Variants in ZNF765 observed in about 807,000 individuals in gnomAD.
ZNF765 encodes the protein zinc finger protein 765.
A neutral mutation model predicts 44.7 loss-of-function variants in ZNF765; 37 were observed. That is an observed-to-expected ratio of 0.83 (90% confidence interval 0.64 to 1.09). The LOEUF (loss-of-function observed/expected upper bound fraction) is 1.09. ZNF765 is among the 50% of genes least tolerant of loss of function. ZNF765 has a pLI of 0.00. For missense variants in ZNF765, 594 were observed against 626.1 expected, an observed-to-expected ratio of 0.95 and a Z score of 0.55; for synonymous variants, 201 against 213.7, an observed-to-expected ratio of 0.94 and a Z score of 0.52.
intron 3 of ZNF765, among the ~76,000 whole-genome samples, chr19:53,404,864 C>T (rs2085760127): frequency 6.6e-6 from 1 of 152,162 alleles, no homozygotes; most frequent in African/African-American, 2.4e-5. Flanking sequence ...ATTTGTCAGC[C>T]TTCAGTGATG....
Position 53,408,501 on chromosome 19 carries a change from A to G in ZNF765, c.946A>G (p.Ile316Val), listed in dbSNP as rs1326659352. ...KAFHFKSKLQ[I>V]HRRIHTGEKP... ...TTTCCATTTCAAATCAAAGCTTCAA[A>G]TACATAGGAGAATTCATACTGGAGA... The change falls in exon 4 of 4, where the codon ATA becomes GTA. Residue 316 changes from isoleucine to valine, a missense_variant. Physicochemically the swap from Ile to Val is conservative, Grantham distance 29. Coordinates refer to ENST00000396408, the MANE Select transcript of ZNF765 (RefSeq NM_001040185.3). 1.2e-6 allele frequency: 2 copies of G among 1,611,854 alleles called. No homozygotes were observed. Among genetic ancestry groups the G allele is most frequent in the Admixed American group, 3.3e-5 (2 of 59,914 alleles).
intron 3 of ZNF765, among the ~76,000 whole-genome samples, chr19:53,418,575 G>C (rs2085888415): frequency 6.6e-6 from 1 of 152,026 alleles, no homozygotes; most frequent in African/African-American, 2.4e-5. Context: ...TTGACAGGTA[G>C]AGTATGGAAT....
At chr19:53,405,743 A>G (rs1393346048) in intron 3 of ZNF765, among the ~76,000 whole-genome samples, 1 of 151,306 alleles carries the variant, frequency 6.6e-6, no homozygotes, top group South Asian at 2.1e-4. Flanking sequence ...CTTTTGGCCA[A>G]TATGAACATT....
At chr19:53,417,322 C>T (rs2085881038) in intron 3 of ZNF765, among the ~76,000 whole-genome samples, 2 of 152,006 alleles carry the variant, frequency 1.3e-5, no homozygotes, top group South Asian at 2.1e-4. Flanking sequence ...TGTTGTTCCC[C>T]TCTATGTATC....
intron 3 of ZNF765, among the ~76,000 whole-genome samples, chr19:53,402,973 A>T (rs1479998406): frequency 2.0e-5 from 3 of 151,994 alleles, no homozygotes; most frequent in African/African-American, 7.3e-5. Context: ...TCAGGAGATC[A>T]AGACCACCCT....
intron 3 of ZNF765, 105 bp from the exon 4 acceptor site, chr19:53,407,593 T>G: frequency 3.5e-6 from 3 of 858,594 alleles, no homozygotes; most frequent in Non-Finnish European, 3.3e-6. Context: ...GGGTCATGTT[T>G]GCAAAGTTTA....
At chr19:53,412,202 TTCTA>T (rs2085839581), downstream of ZNF765, among the ~76,000 whole-genome samples, 1 of 152,232 alleles carries the variant, frequency 6.6e-6, no homozygotes, top group African/African-American at 2.4e-5. Context: ...TAAATTTCCT[TTCTA>T]TCTATTTTGT....
rs765117843 is a variant in ZNF765, at chr19:53,410,452, G to C, written c.*1325G>C. The C allele has an allele frequency of 2.8e-6, 1 of 355,672 alleles. No homozygotes were observed. The highest frequency in any genetic ancestry group is 5.7e-6 in the Non-Finnish European group (1 of 175,954). 22.0% of individuals were successfully genotyped at this position (355,672 alleles called of 1,614,324 possible). A position where few individuals can be genotyped will look rare whatever the true frequency, so the allele number is the denominator to read the frequency against. The stretch of plus-strand genomic sequence containing the variant: ...TAAGAGTTTGTGACAAGGCTTTCAG[G>C]CATAATTCGCACCTGGCACAACATC... On this transcript the variant is annotated 3_prime_UTR_variant, in exon 4 of 4. Transcript: ENST00000396408.
At chr19:53,422,829 C>T (rs1322992271) in intron 3 of ZNF765, among the ~76,000 whole-genome samples, 1 of 152,158 alleles carries the variant, frequency 6.6e-6, no homozygotes, top group African/African-American at 2.4e-5. Context: ...TGGGAATGAT[C>T]TTCTTATCAC....
rs1215576535 is a variant in ZNF765, at chr19:53,408,970, G to T, written c.1415G>T (p.Gly472Val). 1.2e-6 allele frequency: 2 copies of T among 1,603,938 alleles called. No individual in the cohort carries two copies. The highest frequency in any genetic ancestry group is 1.7e-6 in the Non-Finnish European group (2 of 1,173,050). Reference sequence around the variant, plus strand: ...AATCCTTACAAGTGTAATGAGTGTGGCAAGACCTTCAGCCGGACGTCATCC... The same window carrying T: ...AATCCTTACAAGTGTAATGAGTGTGTCAAGACCTTCAGCCGGACGTCATCC... ...EENPYKCNEC[G>V]KTFSRTSSLT... Residue 472 changes from glycine to valine, a missense_variant, in exon 4 of 4, where the codon GGC becomes GTC. Around this residue, in one of 2 missense-constraint regions of ZNF765, gnomAD observed 567 missense variants for 572.6 expected, o/e 0.99. Coordinates refer to ENST00000396408, the MANE Select transcript of ZNF765 (RefSeq NM_001040185.3).
At chr19:53,396,543 G>A (rs2085672351) in intron 1 of ZNF765, among the ~76,000 whole-genome samples, 1 of 152,158 alleles carries the variant, frequency 6.6e-6, no homozygotes, top group East Asian at 1.9e-4. Context: ...TGGTGGTCTT[G>A]TAGCTGCATT....
Position 53,400,461 on chromosome 19 carries a change from G to C in ZNF765, c.16-1604G>C, listed in dbSNP as rs560467995. On this transcript the variant is annotated intron_variant, in intron 2 of 3. Transcript: ENST00000396408. The stretch of plus-strand genomic sequence containing the variant: ...CTTCCTCTAGGATGAGGCATTTCCT[G>C]TTTTCTTAGATCTGACAAGATTCCC... Among the ~76,000 whole-genome samples, 18 of 152,070 alleles carry C rather than the reference G, an allele frequency of 1.2e-4. No homozygotes were observed. In the South Asian group the frequency reaches 3.7e-3, roughly 32 times the overall value.
Position 53,408,751 on chromosome 19 carries a change from C to T in ZNF765, c.1196C>T (p.Thr399Ile). The change falls in exon 4 of 4, where the codon ACA becomes ATA. Residue 399 changes from threonine to isoleucine, a missense_variant. Thr to Ile is a moderately conservative substitution (Grantham distance 89). Transcript: ENST00000396408. ...ACCTTTAGTCACAAGTCATCTCTTA[C>T]ATACCATCGTAGACTTCATACTGAA... ...SKTFSHKSSL[T>I]YHRRLHTEEK... 6.3e-7 allele frequency: 1 copy of T among 1,574,880 alleles called. No homozygotes were observed. Among genetic ancestry groups the T allele is most frequent in the Non-Finnish European group, 8.6e-7 (1 of 1,157,046 alleles).
At chr19:53,417,831 G>T (rs1034789983) in intron 3 of ZNF765, among the ~76,000 whole-genome samples, 4 of 151,982 alleles carry the variant, frequency 2.6e-5, no homozygotes, top group Admixed American at 2.6e-4. Flanking sequence ...TAACTTAAAA[G>T]ATCAAAGGTC....
intron 3 of ZNF765, among the ~76,000 whole-genome samples, chr19:53,422,405 G>A (rs1031332777): frequency 6.6e-6 from 1 of 152,144 alleles, no homozygotes; most frequent in African/African-American, 2.4e-5. Flanking sequence ...CATCGATTAT[G>A]AAGAATATGG....
chr19:53,405,234 C>T (rs1231778145), intron 3 of ZNF765, among the ~76,000 whole-genome samples: 1 of 151,986 alleles, frequency 6.6e-6, no homozygotes, highest in Non-Finnish European at 1.5e-5. Flanking sequence ...AGGCTGTTAT[C>T]CCAAGTACTT....
chr19:53,413,375 T>A, downstream of ZNF765: 1 of 568,228 alleles, frequency 1.8e-6, no homozygotes, highest in Non-Finnish European at 3.4e-6. Context: ...CACACATATT[T>A]ATGCTGTCTG....
chr19:53,410,361 T>A lies in ZNF765; in HGVS notation c.*1234T>A. 3.0e-6 allele frequency: 1 copy of A among 336,486 alleles called. No individual in the cohort carries two copies. The highest frequency in any genetic ancestry group is 8.2e-5 in the East Asian group (1 of 12,146). 20.8% of individuals were successfully genotyped at this position (336,486 alleles called of 1,614,324 possible). ...TACATATGTGAAGAATGTCACCAAG[T>A]TTTCAGTCACACTCAAACCTTGAAA... On this transcript the variant is annotated 3_prime_UTR_variant, in exon 4 of 4. Coordinates refer to ENST00000396408, the MANE Select transcript of ZNF765 (RefSeq NM_001040185.3).
exon 4 of ZNF765, chr19:53,424,266 A>G (rs2085925035): frequency 6.7e-6 from 1 of 149,922 alleles, no homozygotes; most frequent in African/African-American, 2.5e-5. Context: ...CCTGACAAAC[A>G]TGGAGAAACC....
Sources: allele counts gnomAD v4.1 joint callset (sites outside exome capture counted in the v4.1 genomes callset), GRCh38; gene constraint gnomAD v4.1.1; regional missense constraint gnomAD v4.1.1; transcripts MANE v1.5; gene names NCBI Gene and HGNC (gene_info 2026-07-23, HGNC 2026-07-21).